Variants in CSTF3 observed in about 807,000 individuals in gnomAD.
CSTF3 encodes cleavage stimulation factor subunit 3.
Under a neutral mutation model 105.8 loss-of-function variants are expected in CSTF3, and 29 were observed. The observed-to-expected ratio is 0.27, with a 90% CI of 0.20 to 0.37. The LOEUF (loss-of-function observed/expected upper bound fraction) is 0.37. CSTF3 is among the 10% of genes least tolerant of loss of function. The pLI, the probability that CSTF3 is intolerant of heterozygous loss-of-function variation, is 1.00. For synonymous variants in CSTF3, 252 were observed against 281.9 expected (o/e 0.89, Z 1.06); for missense variants, 357 against 879.3 (o/e 0.41, Z 7.51).
At chr11:33,150,040 C>CAAT (rs1435452039) in intron 1 of CSTF3, among the ~76,000 whole-genome samples, 1 of 147,926 alleles carries the variant, frequency 6.8e-6, no homozygotes, top group African/African-American at 2.6e-5. Context: ...AAACAAACAA[C>CAAT]AACAACAACA....
At chr11:33,145,430 A>C (rs1332075340) in intron 1 of CSTF3, among the ~76,000 whole-genome samples, 1 of 152,202 alleles carries the variant, frequency 6.6e-6, no homozygotes, top group African/African-American at 2.4e-5. Context: ...TGTGTCAAAA[A>C]AACATTTTTT....
At position 33,161,461 on chromosome 11, in the gene CSTF3, C is replaced by G. The variant is rs966793523; in HGVS notation, c.-136G>C. On this transcript the variant is annotated 5_prime_UTR_variant, in exon 1 of 21. Coordinates refer to ENST00000323959, the MANE Select transcript of CSTF3 (RefSeq NM_001326.3). ...CCAGACCGCCAACACCAATCGCCAC[C>G]GCCCACTCAAATATGAATTAAAATG... is the stretch of plus-strand genomic sequence containing the variant. 2 of 835,848 alleles carry G rather than the reference C, an allele frequency of 2.4e-6. No individual in the cohort carries two copies. The highest frequency in any genetic ancestry group is 3.9e-6 in the Non-Finnish European group (2 of 517,932). 51.8% of individuals were successfully genotyped at this position (835,848 alleles called of 1,614,324 possible). A position where few individuals can be genotyped will look rare whatever the true frequency, so the allele number is the denominator to read the frequency against.
In CSTF3 at chr11:33,099,150, C is replaced by G; in HGVS notation, c.937G>C (p.Asp313His). The change falls in exon 12 of 21, where the codon GAT becomes CAT. Residue 313 changes from aspartate (D) to histidine (H), a missense_variant and splice_region_variant. Physicochemically the swap from Asp to His is moderately conservative, Grantham distance 81. This residue lies in a region of CSTF3 where 206 missense variants were observed against 576.5 expected (regional missense o/e 0.36). Coordinates refer to ENST00000323959, the MANE Select transcript of CSTF3 (RefSeq NM_001326.3). The surrounding 1 kb of genome is among the most constrained non-coding windows in gnomAD (Gnocchi z 4.1). ...QSSKLLAEKG[D>H]MNNAKLFSDE... Reference sequence around the variant, plus strand: ...CTAAATAATTTGGCATTATTCATATCCTGGTAGAAAAAAAAGAAAGCTCAT... The same window carrying G: ...CTAAATAATTTGGCATTATTCATATGCTGGTAGAAAAAAAAGAAAGCTCAT... The G allele has an allele frequency of 6.4e-7, 1 of 1,570,414 alleles. No homozygotes were observed.
At position 33,108,838 on chromosome 11, in the gene CSTF3, C is replaced by T. The variant is rs763477456; in HGVS notation, c.226-420G>A. On this transcript the variant is annotated intron_variant, in intron 3 of 20. Coordinates refer to ENST00000323959, the MANE Select transcript of CSTF3 (RefSeq NM_001326.3). The stretch of plus-strand genomic sequence containing the variant: ...TTTGGACTACATATAAACATTCAGT[C>T]ACACCATCAACCTAATATATTGCAG... Among the ~76,000 whole-genome samples, 63 of 152,310 alleles carry T rather than the reference C, an allele frequency of 4.1e-4. 1 individual carries two copies. Among genetic ancestry groups the T allele is most frequent in the Middle Eastern group, 3.4e-3 (1 of 294 alleles).
In CSTF3 at chr11:33,141,673, T is replaced by C. The variant is rs1855712991; in HGVS notation, c.219A>G (p.Glu73=). Residue 73 remains glutamate, a synonymous_variant, in exon 3 of 21, where the codon GAA becomes GAG. Coordinates refer to ENST00000323959, the MANE Select transcript of CSTF3 (RefSeq NM_001326.3). ...AATAAAATAAAATAGTAACCTCTGC[T>C]TCAATGTACAGTTTCCAGAATCTGC... ...SSGRFWKLYI[E]AEIKAKNYDK... 3 of 1,611,922 alleles carry C rather than the reference T, an allele frequency of 1.9e-6. No individual in the cohort carries two copies. Among genetic ancestry groups the C allele is most frequent in the East Asian group, 4.5e-5 (2 of 44,854 alleles).
At position 33,161,443 on chromosome 11, in the gene CSTF3, G is replaced by T; in HGVS notation, c.-118C>A. The T allele has an allele frequency of 1.9e-6, 2 of 1,040,074 alleles. No homozygotes were observed. The highest frequency in any genetic ancestry group is 1.6e-5 in the African/African-American group (1 of 62,750). The allele number at this position is 1,040,074 out of a possible 1,614,324, so 64.4% of individuals were successfully genotyped here. A position where few individuals can be genotyped will look rare whatever the true frequency, so the allele number is the denominator to read the frequency against. ...ACCCCCTGCCCAGCTGAGCCAGACC[G>T]CCAACACCAATCGCCACCGCCCACT... On this transcript the variant is annotated 5_prime_UTR_variant, in exon 1 of 21. Transcript: ENST00000323959.
intron 3 of CSTF3, among the ~76,000 whole-genome samples, chr11:33,112,434 T>C (rs1303693705): frequency 6.6e-6 from 1 of 152,054 alleles, no homozygotes; most frequent in Admixed American, 6.6e-5. Flanking sequence ...AAAAAGAATA[T>C]AAAGCATCTA....
Position 33,125,184 on chromosome 11 carries a change from A to C in CSTF3, c.225+16483T>G, listed in dbSNP as rs1183828128. Among the ~76,000 whole-genome samples the C allele has an allele frequency of 2.6e-5, 4 of 152,136 alleles. No homozygotes were observed. The East Asian group carries it at 7.7e-4, about 29-fold the overall frequency. ...TTTGTGTCTCAGATATCCCTTTCATATTTTCCATCTAATTGGCTCTTTAAG... is the reference window on the plus strand; with the variant it reads ...TTTGTGTCTCAGATATCCCTTTCATCTTTTCCATCTAATTGGCTCTTTAAG... On this transcript the variant is annotated intron_variant, in intron 3 of 20. Transcript: ENST00000323959.
In CSTF3 at chr11:33,104,382, C is replaced by G. The variant is rs552746286; in HGVS notation, c.585+1185G>C. Among the ~76,000 whole-genome samples, 10 of 152,188 alleles carry G rather than the reference C, an allele frequency of 6.6e-5. No individual in the cohort carries two copies. In the South Asian group the frequency reaches 1.9e-3, roughly 28 times the overall value. ...ACTAAATGGAAGCAGATATGAAAAT[C>G]CAGCTGTTTTCTATTACACTAGATA... On this transcript the variant is annotated intron_variant, in intron 8 of 20. Transcript: ENST00000323959.
rs1373995998 is a variant in CSTF3 at position 33,158,341 on chromosome 11, AC to A, written c.27+2957del. Among the ~76,000 whole-genome samples, 3 of 152,332 alleles carry A rather than the reference AC, an allele frequency of 2.0e-5. No homozygotes were observed. The East Asian group carries it at 5.8e-4, about 29-fold the overall frequency. ...CAAAAGAAAAATGGCTATCACTGAT[AC>A]TAACACACTAAGAGAAATCCATGAA... On this transcript the variant is annotated intron_variant, in intron 1 of 20. Transcript: ENST00000323959.
chr11:33,157,129 G>A (rs577059658), intron 1 of CSTF3, among the ~76,000 whole-genome samples: 5 of 152,162 alleles, frequency 3.3e-5, no homozygotes, highest in Admixed American at 6.5e-5. Context: ...GAGGCAGGCA[G>A]ATCACTTGAG....
intron 3 of CSTF3, among the ~76,000 whole-genome samples, chr11:33,121,913 A>G (rs1855493692): frequency 6.6e-6 from 1 of 152,222 alleles, no homozygotes; most frequent in South Asian, 2.1e-4. Context: ...TAAGAAATAA[A>G]AAAATTAAAT....
At chr11:33,141,814 A>G in intron 2 of CSTF3, 52 bp from the exon 3 acceptor site, 1 of 1,574,268 alleles carries the variant, frequency 6.4e-7, no homozygotes, top group Non-Finnish European at 8.6e-7. Context: ...TTATGAAAAT[A>G]TTATTCACTG....
At chr11:33,158,564 C>T (rs1030919170) in intron 1 of CSTF3, among the ~76,000 whole-genome samples, 3 of 152,070 alleles carry the variant, frequency 2.0e-5, no homozygotes, top group African/African-American at 7.2e-5. Flanking sequence ...TTAAAGAAAA[C>T]GGTTATCAAC....
chr11:33,159,905 AC>A (rs536414968), intron 1 of CSTF3, among the ~76,000 whole-genome samples: 2 of 152,002 alleles, frequency 1.3e-5, no homozygotes, highest in African/African-American at 4.8e-5. Flanking sequence ...GCACAATAAA[AC>A]CTTTGGGAGA....
At chr11:33,118,614 T>G (rs1855457375) in intron 3 of CSTF3, among the ~76,000 whole-genome samples, 1 of 151,786 alleles carries the variant, frequency 6.6e-6, no homozygotes, top group African/African-American at 2.4e-5. Context: ...CTCCCCTGTC[T>G]CTCCTCAAAA....
intron 17 of CSTF3, among the ~76,000 whole-genome samples, chr11:33,088,943 AATTTTC>A (rs760200587): frequency 1.3e-5 from 2 of 152,162 alleles, no homozygotes; most frequent in African/African-American, 2.4e-5. Context: ...TAACTGCCTT[AATTTTC>A]ATTTTCATCT....
chr11:33,097,658 C>T (rs900620530), intron 13 of CSTF3, among the ~76,000 whole-genome samples: 7 of 152,154 alleles, frequency 4.6e-5, no homozygotes, highest in African/African-American at 1.7e-4. Flanking sequence ...TGAGCTACCG[C>T]GCCCAGCCTG....
chr11:33,089,471 G>C (rs1259313949), intron 17 of CSTF3, among the ~76,000 whole-genome samples: 3 of 152,042 alleles, frequency 2.0e-5, no homozygotes, highest in Non-Finnish European at 4.4e-5. Flanking sequence ...TTAGCTTAAA[G>C]TCAAAGTTTC....
Sources: gnomAD v4.1 joint callset for allele counts (sites outside exome capture counted in the v4.1 genomes callset) on GRCh38, gnomAD v4.1.1 for gene constraint, gnomAD v4.1.1 regional missense constraint, Gnocchi (gnomAD v3.1) non-coding constraint, MANE v1.5 for transcripts, NCBI Gene and HGNC (gene_info 2026-07-23, HGNC 2026-07-21) for gene names.